LSAMP: variants seen among roughly 807,000 people sequenced by gnomAD.
The protein encoded by LSAMP is limbic system associated membrane protein, also known as limbic system-associated membrane protein.
A neutral mutation model predicts 38.6 loss-of-function variants in LSAMP; 7 were observed. That is an observed-to-expected ratio of 0.18 (90% CI 0.10 to 0.34). The LOEUF (loss-of-function observed/expected upper bound fraction) is 0.34. Among genes scored for constraint, LSAMP ranks in the 10% least tolerant of loss-of-function variants. The pLI is 1.00. For missense variants in LSAMP, 313 were observed against 420.0 expected, an observed-to-expected ratio of 0.75 and a Z score of 2.23; for synonymous variants, 154 against 166.8, an observed-to-expected ratio of 0.92 and a Z score of 0.59.
chr3:116,255,967 T>C (rs1292384614), intron 1 of LSAMP, among the ~76,000 whole-genome samples: 4 of 152,140 alleles, frequency 2.6e-5, no homozygotes, highest in African/African-American at 4.8e-5. Context: ...GTGGATTGTA[T>C]ATATTTGGCC....
chr3:116,106,982 G>A (rs1708482805), intron 1 of LSAMP, among the ~76,000 whole-genome samples: 1 of 152,138 alleles, frequency 6.6e-6, no homozygotes, highest in South Asian at 2.1e-4. Flanking sequence ...GGAAATGAGA[G>A]GTTCTAAGAG....
chr3:115,891,956 G>T (rs1936611367), intron 3 of LSAMP, among the ~76,000 whole-genome samples: 8 of 151,790 alleles, frequency 5.3e-5, no homozygotes, highest in Admixed American at 5.3e-4. Context: ...GTTATTATTA[G>T]TACCCCAGTG....
At chr3:115,902,742 A>G (rs543058960) in intron 3 of LSAMP, among the ~76,000 whole-genome samples, 1 of 152,218 alleles carries the variant, frequency 6.6e-6, no homozygotes, top group South Asian at 2.1e-4. Flanking sequence ...TATGAAAAGG[A>G]GCTCAACATC....
At chr3:116,081,990 C>T (rs1156596750) in intron 2 of LSAMP, among the ~76,000 whole-genome samples, 1 of 152,074 alleles carries the variant, frequency 6.6e-6, no homozygotes, top group Non-Finnish European at 1.5e-5. Flanking sequence ...AACAATTAGG[C>T]AGTACGTAAA....
At chr3:116,030,519 T>C (rs896907278) in intron 2 of LSAMP, among the ~76,000 whole-genome samples, 8 of 152,214 alleles carry the variant, frequency 5.3e-5, no homozygotes, top group African/African-American at 1.7e-4. Context: ...TTTAAGTAGA[T>C]AGAATGAATA....
In LSAMP at chr3:115,877,492, G is replaced by A. The variant is rs139927480; in HGVS notation, c.515-24875C>T. Among the ~76,000 whole-genome samples the A allele has an allele frequency of 9.4e-3, 1,431 of 152,052 alleles. 58 individuals carry two copies. The highest frequency in any genetic ancestry group is 0.073 in the Admixed American group (1,111 of 15,246). On this transcript the variant is annotated intron_variant, in intron 3 of 6. Coordinates refer to ENST00000490035, the MANE Select transcript of LSAMP (RefSeq NM_002338.5). ...CTTTTTCAAACATTTATACATGAGC[G>A]TAATGCCTACAAAAAATAAAAACAG...
At position 115,951,251 on chromosome 3, in the gene LSAMP, A is replaced by G. The variant is rs867414976; in HGVS notation, c.514+68264T>C. 9.2e-5 allele frequency among the ~76,000 whole-genome samples: 14 copies of G among 152,344 alleles called. No homozygotes were observed. In the South Asian group the frequency reaches 1.4e-3, roughly 16 times the overall value. On this transcript the variant is annotated intron_variant, in intron 3 of 6. Coordinates refer to ENST00000490035, the MANE Select transcript of LSAMP (RefSeq NM_002338.5). ...AACCAACACTACAAAGGCAAATGCA[A>G]CAAAAACAAAAATAAATAGATGGGA...
intron 1 of LSAMP, among the ~76,000 whole-genome samples, chr3:116,404,768 A>G (rs928108533): frequency 6.6e-6 from 1 of 152,158 alleles, no homozygotes; most frequent in Non-Finnish European, 1.5e-5. Context: ...TGTGGTAAAT[A>G]TCAAAAGCCA....
intron 1 of LSAMP, among the ~76,000 whole-genome samples, chr3:116,174,578 CT>C (rs1710289768): frequency 6.6e-6 from 1 of 152,012 alleles, no homozygotes; most frequent in South Asian, 2.1e-4. Context: ...AAAACTACTG[CT>C]CATCAAATCT....
chr3:115,899,441 T>C (rs1034589171), intron 3 of LSAMP, among the ~76,000 whole-genome samples: 3 of 152,170 alleles, frequency 2.0e-5, no homozygotes, highest in African/African-American at 7.2e-5. Flanking sequence ...AATCACCAAG[T>C]CTACTTTCCT....
chr3:116,162,572 A>C (rs1183696727), intron 1 of LSAMP, among the ~76,000 whole-genome samples: 2 of 152,078 alleles, frequency 1.3e-5, no homozygotes, highest in East Asian at 3.9e-4. Flanking sequence ...TTTTCTGTCT[A>C]TACAGGTGTG....
chr3:116,211,642 A>G (rs1053064359), intron 1 of LSAMP, among the ~76,000 whole-genome samples: 3 of 152,218 alleles, frequency 2.0e-5, no homozygotes, highest in Non-Finnish European at 4.4e-5. Flanking sequence ...CATTACTTAC[A>G]GCTTAAATAT....
intron 1 of LSAMP, among the ~76,000 whole-genome samples, chr3:116,090,922 G>C (rs535747424): frequency 1.3e-5 from 2 of 152,106 alleles, no homozygotes; most frequent in Non-Finnish European, 1.5e-5. Context: ...ATGAAGTTTC[G>C]GGCACCATTG....
chr3:116,434,967 A>G (rs1464954899), intron 1 of LSAMP, among the ~76,000 whole-genome samples: 1 of 152,204 alleles, frequency 6.6e-6, no homozygotes, highest in Admixed American at 6.5e-5. Flanking sequence ...TGCCAACTCC[A>G]TGAAGTCTGG....
intron 1 of LSAMP, among the ~76,000 whole-genome samples, chr3:116,406,584 T>C (rs1347440857): frequency 6.6e-6 from 1 of 152,076 alleles, no homozygotes; most frequent in African/African-American, 2.4e-5. Context: ...TCACAATTTT[T>C]CTTTGCATCT....
chr3:116,347,825 G>A (rs1173461259), intron 1 of LSAMP, among the ~76,000 whole-genome samples: 1 of 151,906 alleles, frequency 6.6e-6, no homozygotes, highest in Non-Finnish European at 1.5e-5. Context: ...TAAAATGAAA[G>A]AATATGGCAT....
chr3:116,241,569 A>AATAGATAG (rs1345418945), intron 1 of LSAMP, among the ~76,000 whole-genome samples: 2 of 152,162 alleles, frequency 1.3e-5, no homozygotes, highest in Non-Finnish European at 2.9e-5. Flanking sequence ...CTGTCTAAAA[A>AATAGATAG]ACAGATAGAT....
chr3:115,921,828 T>G (rs1937389406), intron 3 of LSAMP, among the ~76,000 whole-genome samples: 1 of 152,170 alleles, frequency 6.6e-6, no homozygotes, highest in South Asian at 2.1e-4. Context: ...AATATAGTAT[T>G]CTTTACTGAT....
intron 3 of LSAMP, among the ~76,000 whole-genome samples, chr3:116,000,227 TG>T (rs1329687494): frequency 1.3e-5 from 2 of 152,146 alleles, no homozygotes; most frequent in Non-Finnish European, 2.9e-5. Context: ...TACACTCCTT[TG>T]TAAGTGCCAG....
Sources: allele counts gnomAD v4.1 joint callset (sites outside exome capture counted in the v4.1 genomes callset), GRCh38; gene constraint gnomAD v4.1.1; transcripts MANE v1.5; gene names NCBI Gene and HGNC (gene_info 2026-07-23, HGNC 2026-07-21).